The following TBC1D32 variants were observed in gnomAD, a reference collection of about 807,000 sequenced individuals.
The protein encoded by TBC1D32 is protein broad-minded.
A neutral mutation model predicts 170.3 loss-of-function variants in TBC1D32; 151 were observed. The ratio of observed to expected loss-of-function variants is 0.89; its 90% CI spans 0.78 to 1.01. The LOEUF (loss-of-function observed/expected upper bound fraction) is 1.01, where lower values mean the gene tolerates loss of function less well. TBC1D32 is among the 50% of genes least tolerant of loss of function. The pLI, the probability that TBC1D32 is intolerant of heterozygous loss-of-function variation, is 0.00. For synonymous variants in TBC1D32, 498 were observed against 488.0 expected (o/e 1.02, Z -0.27); for missense variants, 1,464 against 1,457.1 (o/e 1.00, Z -0.08).
At chr6:121,144,959 G>T (rs1783237947) in intron 24 of TBC1D32, among the ~76,000 whole-genome samples, 1 of 152,156 alleles carries the variant, frequency 6.6e-6, no homozygotes. Context: ...AAAAAAGAGG[G>T]CAGGTTTGAG....
intron 12 of TBC1D32, among the ~76,000 whole-genome samples, chr6:121,287,035 C>A (rs1156325738): frequency 6.6e-6 from 1 of 152,084 alleles, no homozygotes; most frequent in Non-Finnish European, 1.5e-5. Flanking sequence ...CCGGTACCAG[C>A]CACTGCAAAA....
Position 121,303,671 on chromosome 6 carries a change from C to G in TBC1D32, c.1026G>C (p.Pro342=), listed in dbSNP as rs374800522. Residue 342 remains proline (P), a synonymous_variant, in exon 9 of 32, where the codon CCG becomes CCC. Transcript: ENST00000398212. ...SHVVSQKILD[P]IYFFALVDTK... is the part of the protein sequence containing the mutation. ...TATCAACTAATGCAAAAAAGTAGAT[C>G]GGATCCAAAATCTTTTGTGAGACAA... The G allele has an allele frequency of 4.7e-5, 75 of 1,596,732 alleles. No homozygotes were observed. The Middle Eastern group carries it at 5.0e-4, about 11-fold the overall frequency.
At chr6:121,152,493 A>C (rs1784348657) in intron 24 of TBC1D32, among the ~76,000 whole-genome samples, 1 of 151,994 alleles carries the variant, frequency 6.6e-6, no homozygotes, top group African/African-American at 2.4e-5. Flanking sequence ...TGCTCTTCTC[A>C]AGGAGCATCT....
At chr6:121,127,063 C>A (rs1027882138) in intron 25 of TBC1D32, among the ~76,000 whole-genome samples, 1 of 152,044 alleles carries the variant, frequency 6.6e-6, no homozygotes, top group Admixed American at 6.5e-5. Context: ...TAATATGCAA[C>A]CCAGAGTTTG....
intron 22 of TBC1D32, among the ~76,000 whole-genome samples, chr6:121,177,815 C>T (rs1392059320): frequency 6.6e-6 from 1 of 152,108 alleles, no homozygotes; most frequent in Admixed American, 6.5e-5. Context: ...GCAAGTATTT[C>T]AAAATCTGCA....
rs745375250 is a variant in TBC1D32 at position 121,090,850 on chromosome 6, T to A, written c.3654+3A>T. On this transcript the variant is annotated splice_donor_region_variant and intron_variant, in intron 31 of 31. Transcript: ENST00000398212. The stretch of plus-strand genomic sequence containing the variant: ...ATTTTCCTCTCCATATAAACATACT[T>A]ACTTTTAGGAAAACTTGCAGATCTT... 6.2e-7 allele frequency: 1 copy of A among 1,607,878 alleles called. No individual in the cohort carries two copies. Among genetic ancestry groups the A allele is most frequent in the Non-Finnish European group, 8.5e-7 (1 of 1,178,420 alleles).
At chr6:121,319,980 C>T (rs1262937316) in intron 2 of TBC1D32, among the ~76,000 whole-genome samples, 1 of 151,718 alleles carries the variant, frequency 6.6e-6, no homozygotes, top group Non-Finnish European at 1.5e-5. Context: ...GAATAAAAAC[C>T]ACATCAATTA....
intron 24 of TBC1D32, among the ~76,000 whole-genome samples, chr6:121,144,606 T>A (rs1351988054): frequency 6.6e-6 from 1 of 152,160 alleles, no homozygotes; most frequent in African/African-American, 2.4e-5. Context: ...ATTAAAAATT[T>A]ATCTGAGACA....
rs1279739307 is a variant in TBC1D32, at chr6:121,326,997, C to A, written c.156-5203G>T. Reference sequence around the variant, plus strand: ...TCCAACAATTAATTTTATGTTGTTTCTTTTACCATCGGAATTCATGGCAAC... The same window carrying A: ...TCCAACAATTAATTTTATGTTGTTTATTTTACCATCGGAATTCATGGCAAC... On this transcript the variant is annotated intron_variant, in intron 1 of 31. Coordinates refer to ENST00000398212, the MANE Select transcript of TBC1D32 (RefSeq NM_152730.6). 3.3e-5 allele frequency among the ~76,000 whole-genome samples: 5 copies of A among 152,052 alleles called. No homozygotes were observed. In the East Asian group the frequency reaches 7.7e-4, roughly 23 times the overall value.
At position 121,317,541 on chromosome 6, in the gene TBC1D32, CT is replaced by C; in HGVS notation, c.448del (p.Ser150ValfsTer14). The C allele has an allele frequency of 6.2e-7, 1 of 1,612,762 alleles. No individual in the cohort carries two copies. Among genetic ancestry groups the C allele is most frequent in the Non-Finnish European group, 8.5e-7 (1 of 1,179,316 alleles). ...ATCAGAGCAATTGTCTGTGCGGTAA[CT>C]ATGGCTTTTCTCCTTTTGGATTTTT... is the stretch of plus-strand genomic sequence containing the variant. ...QKKIQKEKSHSYRTDNCSDSD... is the reference protein window; with the variant it reads ...QKKIQKEKSHXYRTDNCSDSD... On this transcript the variant is annotated frameshift_variant, in exon 3 of 32. Coordinates refer to ENST00000398212, the MANE Select transcript of TBC1D32 (RefSeq NM_152730.6). LOFTEE classifies it high-confidence loss of function.
At chr6:121,326,254 A>G (rs1449205385) in intron 1 of TBC1D32, among the ~76,000 whole-genome samples, 1 of 152,206 alleles carries the variant, frequency 6.6e-6, no homozygotes, top group Non-Finnish European at 1.5e-5. Flanking sequence ...TAGAGAAGGA[A>G]GGGATACAGC....
intron 21 of TBC1D32, among the ~76,000 whole-genome samples, chr6:121,214,191 C>T (rs1156720920): frequency 6.6e-6 from 1 of 152,130 alleles, no homozygotes; most frequent in African/African-American, 2.4e-5. Context: ...CCCTGAAAGA[C>T]AGTATAGGCA....
In TBC1D32 at chr6:121,256,027, G is replaced by A. The variant is rs1376710190; in HGVS notation, c.1935+57C>T. The stretch of plus-strand genomic sequence containing the variant: ...ATCCAAAGTACAACACTATAATGGT[G>A]CTTATATTTGAAATAAAGATTTGCA... On this transcript the variant is annotated intron_variant, in intron 16 of 31. Coordinates refer to ENST00000398212, the MANE Select transcript of TBC1D32 (RefSeq NM_152730.6). 10 of 1,424,710 alleles carry A rather than the reference G, an allele frequency of 7.0e-6. No homozygotes were observed. The Admixed American group carries it at 2.0e-4, about 28-fold the overall frequency. The allele number at this position is 1,424,710 out of a possible 1,614,324, so 88.3% of individuals were successfully genotyped here. A position where few individuals can be genotyped will look rare whatever the true frequency, so the allele number is the denominator to read the frequency against.
At chr6:121,149,565 G>A (rs948656114) in intron 24 of TBC1D32, among the ~76,000 whole-genome samples, 11 of 152,096 alleles carry the variant, frequency 7.2e-5, no homozygotes, top group Admixed American at 3.9e-4. Context: ...TCAGATGATT[G>A]TAGATGTGTA....
rs775152075 is a variant in TBC1D32, at chr6:121,255,341, C to T, written c.2005G>A (p.Glu669Lys). 4.5e-6 allele frequency: 7 copies of T among 1,568,250 alleles called. No homozygotes were observed. The highest frequency in any genetic ancestry group is 5.2e-6 in the Non-Finnish European group (6 of 1,155,860). ...GSDSVSSVSQ[E>K]SQNIMAWEDN... ...AATTGTACTTACATGTTTTGGGATTCCTGGCTTACTGAAGAAACAGAATCA... is the reference window on the plus strand; with the variant it reads ...AATTGTACTTACATGTTTTGGGATTTCTGGCTTACTGAAGAAACAGAATCA... Residue 669 changes from glutamate to lysine, a missense_variant, in exon 17 of 32, where the codon GAA (glutamate) becomes AAA (lysine). By Grantham distance (56) the Glu-to-Lys change is moderately conservative. Coordinates refer to ENST00000398212, the MANE Select transcript of TBC1D32 (RefSeq NM_152730.6).
intron 20 of TBC1D32, 47 bp from the exon 21 acceptor site, chr6:121,223,399 C>G: frequency 7.8e-7 from 1 of 1,277,232 alleles, no homozygotes; most frequent in Non-Finnish European, 1.1e-6. Flanking sequence ...TTTTGTCAAC[C>G]ACATCCATGG....
intron 22 of TBC1D32, among the ~76,000 whole-genome samples, chr6:121,185,214 G>C (rs1465038762): frequency 6.6e-6 from 1 of 151,916 alleles, no homozygotes; most frequent in Non-Finnish European, 1.5e-5. Context: ...AATTCTAGCA[G>C]GTACTAATAT....
chr6:121,286,418 C>A (rs566509948), intron 12 of TBC1D32, among the ~76,000 whole-genome samples: 3 of 151,692 alleles, frequency 2.0e-5, no homozygotes, highest in Non-Finnish European at 4.4e-5. Flanking sequence ...TGAAATGAAG[C>A]GAGAAGAGAA....
chr6:121,126,810 A>G (rs1177731604), intron 25 of TBC1D32, among the ~76,000 whole-genome samples: 1 of 151,812 alleles, frequency 6.6e-6, no homozygotes, highest in East Asian at 1.9e-4. Context: ...ATGCATAACA[A>G]AAAAAAAGTA....
Sources: gnomAD v4.1 joint callset for allele counts (sites outside exome capture counted in the v4.1 genomes callset) on GRCh38, gnomAD v4.1.1 for gene constraint, MANE v1.5 for transcripts, NCBI Gene and HGNC (gene_info 2026-07-23, HGNC 2026-07-21) for gene names.